CHN1: variants seen among roughly 807,000 people sequenced by gnomAD.
CHN1 encodes the protein chimerin 1, also known as N-chimaerin.
CHN1 carries 37 observed loss-of-function variants against 59.5 expected under a neutral mutation model. The observed-to-expected ratio is 0.62, with a 90% CI of 0.48 to 0.82. The LOEUF is 0.82. Ranked by LOEUF, CHN1 falls within the 40% of genes least tolerant of loss-of-function variation. CHN1 has a pLI of 0.00. For synonymous variants in CHN1, 206 were observed against 200.4 expected (o/e 1.03, Z -0.24); for missense variants, 469 against 571.0 (o/e 0.82, Z 1.82).
chr2:174,967,173 G>A (rs575792124), intron 1 of CHN1, among the ~76,000 whole-genome samples: 4 of 151,910 alleles, frequency 2.6e-5, no homozygotes, highest in South Asian at 2.1e-4. Context: ...GAGAAACCCC[G>A]TCTCTACAAA....
chr2:174,977,092 G>C (rs1255084590), intron 1 of CHN1, among the ~76,000 whole-genome samples: 1 of 151,998 alleles, frequency 6.6e-6, no homozygotes, highest in African/African-American at 2.4e-5. Context: ...AGACAACTAG[G>C]TTGGCAAACT....
At chr2:174,864,107 G>A (rs74786490) in intron 6 of CHN1, among the ~76,000 whole-genome samples, 2 of 152,168 alleles carry the variant, frequency 1.3e-5, no homozygotes, top group African/African-American at 4.8e-5. Flanking sequence ...AAAGACCTGA[G>A]AGGGTTTCTG....
chr2:174,809,180 G>A (rs1379420454), intron 10 of CHN1, 138 bp from the exon 11 acceptor site: 10 of 748,342 alleles, frequency 1.3e-5, no homozygotes, highest in Admixed American at 6.4e-5. Flanking sequence ...AGTGTGCTAC[G>A]TTACATATTA....
chr2:174,853,710 T>C (rs559828288), intron 6 of CHN1, among the ~76,000 whole-genome samples: 132 of 152,308 alleles, frequency 8.7e-4, no homozygotes, highest in Non-Finnish European at 1.4e-3. Context: ...TGCCCATCAA[T>C]GGTGGACTGG....
intron 8 of CHN1, among the ~76,000 whole-genome samples, chr2:174,822,869 C>T (rs368152638): frequency 5.9e-5 from 9 of 152,312 alleles, no homozygotes; most frequent in African/African-American, 2.2e-4. Flanking sequence ...TGAGGCGCTC[C>T]CTGACGAACA....
At chr2:174,912,731 C>T (rs2105368135) in intron 5 of CHN1, among the ~76,000 whole-genome samples, 1 of 152,284 alleles carries the variant, frequency 6.6e-6, no homozygotes, top group South Asian at 2.1e-4. Flanking sequence ...CTTAACACTT[C>T]CTAGCCATAC....
At chr2:174,952,662 G>A (rs1690060317) in intron 1 of CHN1, among the ~76,000 whole-genome samples, 1 of 152,170 alleles carries the variant, frequency 6.6e-6, no homozygotes, top group Non-Finnish European at 1.5e-5. Flanking sequence ...GGATTCCAAT[G>A]TACATGGTTT....
At chr2:175,003,796 A>G (rs1042383264) in intron 1 of CHN1, among the ~76,000 whole-genome samples, 1 of 152,344 alleles carries the variant, frequency 6.6e-6, no homozygotes, top group African/African-American at 2.4e-5. Flanking sequence ...GTTTTGCCAC[A>G]AAAGAGCCAT....
At chr2:174,816,245 C>T (rs1437496376) in intron 8 of CHN1, among the ~76,000 whole-genome samples, 1 of 152,180 alleles carries the variant, frequency 6.6e-6, no homozygotes, top group African/African-American at 2.4e-5. Flanking sequence ...GTCAGGATCC[C>T]ACTCACAAGC....
rs192544453 is a variant in CHN1, at chr2:174,973,708, G to A, written c.20-21506C>T. On this transcript the variant is annotated intron_variant, in intron 1 of 12. Coordinates refer to ENST00000409900, the MANE Select transcript of CHN1 (RefSeq NM_001822.7). ...GCCAGCTTTGGCAGTGCAGGACAGCGGTGAGAAGTGTGGGCCCTGGAAGTC... is the reference window on the plus strand; with the variant it reads ...GCCAGCTTTGGCAGTGCAGGACAGCAGTGAGAAGTGTGGGCCCTGGAAGTC... Among the ~76,000 whole-genome samples the A allele has an allele frequency of 6.4e-4, 97 of 152,274 alleles. No individual in the cohort carries two copies. The Middle Eastern group carries it at 0.01, about 16-fold the overall frequency.
intron 6 of CHN1, among the ~76,000 whole-genome samples, chr2:174,872,204 A>G (rs980997533): frequency 6.6e-6 from 1 of 152,150 alleles, no homozygotes; most frequent in African/African-American, 2.4e-5. Context: ...GGATCGCTTG[A>G]GCCCAGGAGG....
intron 3 of CHN1, among the ~76,000 whole-genome samples, chr2:174,932,794 T>C (rs1311452637): frequency 1.3e-5 from 2 of 152,232 alleles, no homozygotes; most frequent in Admixed American, 6.5e-5. Flanking sequence ...ATGCCTGCTC[T>C]GGCTTTGCCT....
intron 7 of CHN1, among the ~76,000 whole-genome samples, chr2:174,838,030 A>G (rs1686151943): frequency 6.6e-6 from 1 of 152,232 alleles, no homozygotes; most frequent in African/African-American, 2.4e-5. Context: ...AGATGATAAG[A>G]CATGTACGTA....
At chr2:174,805,079 G>A (rs1684845456) in intron 11 of CHN1, among the ~76,000 whole-genome samples, 1 of 152,196 alleles carries the variant, frequency 6.6e-6, no homozygotes, top group South Asian at 2.1e-4. Context: ...TGTATTCAGA[G>A]ATGAATGACC....
intron 3 of CHN1, among the ~76,000 whole-genome samples, chr2:174,930,238 G>GT (rs1689295436): frequency 6.6e-6 from 1 of 152,178 alleles, no homozygotes; most frequent in Non-Finnish European, 1.5e-5. Context: ...GATATGTCAG[G>GT]TGAGACACAG....
Position 174,978,791 on chromosome 2 carries a change from C to T in CHN1, c.19+26103G>A, listed in dbSNP as rs544708908. On this transcript the variant is annotated intron_variant, in intron 1 of 12. Coordinates refer to ENST00000409900, the MANE Select transcript of CHN1 (RefSeq NM_001822.7). Reference sequence around the variant, plus strand: ...CACAATCATTTTAAACTGTTCCCATCATGTTATCCTTTGTCCTTCCAGACT... The same window carrying T: ...CACAATCATTTTAAACTGTTCCCATTATGTTATCCTTTGTCCTTCCAGACT... Among the ~76,000 whole-genome samples the T allele has an allele frequency of 7.2e-5, 11 of 152,304 alleles. No homozygotes were observed. The South Asian group carries it at 2.3e-3, about 32-fold the overall frequency.
chr2:174,845,487 A>T (rs1187276922), intron 7 of CHN1, among the ~76,000 whole-genome samples: 1 of 152,096 alleles, frequency 6.6e-6, no homozygotes, highest in African/African-American at 2.4e-5. Flanking sequence ...TCCTAAATGA[A>T]AGATGTAGTG....
At chr2:174,976,048 C>T (rs1172433982) in intron 1 of CHN1, among the ~76,000 whole-genome samples, 2 of 135,448 alleles carry the variant, frequency 1.5e-5, no homozygotes, top group Non-Finnish European at 3.1e-5. Flanking sequence ...ATGGTGTGAA[C>T]CCGGGAGGCG....
At chr2:174,955,182 ATC>A (rs1558996562) in intron 1 of CHN1, among the ~76,000 whole-genome samples, 12 of 10,208 alleles carry the variant, frequency 1.2e-3, no homozygotes, top group Admixed American at 5.7e-3. Context: ...ATATATCTAT[ATC>A]TATATATATA....
Sources: gnomAD v4.1 joint callset for allele counts (sites outside exome capture counted in the v4.1 genomes callset) on GRCh38, gnomAD v4.1.1 for gene constraint, MANE v1.5 for transcripts, NCBI Gene and HGNC (gene_info 2026-07-23, HGNC 2026-07-21) for gene names.